Variants in HSPA9 observed in about 807,000 individuals in gnomAD.
HSPA9 encodes stress-70 protein, mitochondrial.
In HSPA9, 28 loss-of-function variants were observed where a neutral mutation model predicts 81.5. That is an observed-to-expected ratio of 0.34 (90% CI 0.25 to 0.47). The LOEUF (loss-of-function observed/expected upper bound fraction) is 0.47. Ranked by LOEUF, HSPA9 falls within the 20% of genes least tolerant of loss-of-function variation. The pLI, the probability that HSPA9 is intolerant of heterozygous loss-of-function variation, is 1.00. For missense variants in HSPA9, 678 were observed against 838.0 expected (o/e 0.81, Z 2.36); for synonymous variants, 293 against 290.4 (o/e 1.01, Z -0.09).
chr5:138,560,797 CT>C, intron 10 of HSPA9: 1 of 389,580 alleles, frequency 2.6e-6, no homozygotes, highest in Non-Finnish European at 5.0e-6. Context: ...ATCCGCCCGC[CT>C]TGGCCTCCCA....
chr5:138,557,550 T>C (rs1750554917), intron 13 of HSPA9, 54 bp from the exon 14 acceptor site: 1 of 1,040,264 alleles, frequency 9.6e-7, no homozygotes, highest in Non-Finnish European at 1.5e-6. Flanking sequence ...ATATGCCTCT[T>C]CTTCCTCCAT....
intron 3 of HSPA9, among the ~76,000 whole-genome samples, 198 bp downstream of exon 3, chr5:138,573,565 T>A (rs1417001095): frequency 7.2e-6 from 1 of 139,808 alleles, no homozygotes; most frequent in Non-Finnish European, 1.5e-5. Flanking sequence ...GAGAACTGTT[T>A]GAACCCAGGA....
At chr5:138,566,955 T>G (rs746405128) in intron 8 of HSPA9, 46 bp downstream of exon 8, 1 of 1,586,184 alleles carries the variant, frequency 6.3e-7, no homozygotes, top group African/African-American at 1.3e-5. Context: ...AACAAAGAAT[T>G]TCTCAATATC....
chr5:138,564,165 G>GC (rs1443963125), intron 9 of HSPA9, among the ~76,000 whole-genome samples: 1 of 152,136 alleles, frequency 6.6e-6, no homozygotes, highest in Non-Finnish European at 1.5e-5. Context: ...CTGCAGTGGT[G>GC]CCATCTGGGC....
At chr5:138,572,731 G>T (rs1750934342) in intron 3 of HSPA9, among the ~76,000 whole-genome samples, 1 of 152,046 alleles carries the variant, frequency 6.6e-6, no homozygotes, top group Non-Finnish European at 1.5e-5. Context: ...TTGGCACCAA[G>T]AGATTATTCC....
At chr5:138,567,317 GAA>G in intron 7 of HSPA9, 136 bp downstream of exon 7, 1 of 997,112 alleles carries the variant, frequency 1.0e-6, no homozygotes, top group Non-Finnish European at 1.5e-6. Flanking sequence ...GAAAAGAAAA[GAA>G]TGGTTTTGAA....
intron 3 of HSPA9, among the ~76,000 whole-genome samples, chr5:138,573,070 A>AT (rs1236177042): frequency 6.6e-6 from 1 of 151,914 alleles, no homozygotes; most frequent in East Asian, 1.9e-4. Flanking sequence ...TAATTTTTGT[A>AT]TTTTTAGTAG....
rs765163858 is a variant in HSPA9, at chr5:138,558,584, C to G, written c.1484G>C (p.Gly495Ala). ...AAACTGTCCAAGGAGTTTGTTGTCT[C>G]CAGCCATCTCTCTTTCACCCTGACA... ...KVCQGEREMA[G>A]DNKLLGQFTL... Residue 495 changes from glycine to alanine, a missense_variant, in exon 12 of 17, where the codon GGA becomes GCA. Around this residue, in one of 4 missense-constraint regions of HSPA9, gnomAD observed 484 missense variants for 647.5 expected, o/e 0.75. Coordinates refer to ENST00000297185, the MANE Select transcript of HSPA9 (RefSeq NM_004134.7). The G allele has an allele frequency of 6.2e-7, 1 of 1,613,174 alleles. No individual in the cohort carries two copies. The highest frequency in any genetic ancestry group is 8.5e-7 in the Non-Finnish European group (1 of 1,179,136).
At chr5:138,568,883 T>C (rs201122337) in intron 5 of HSPA9, 42 bp downstream of exon 5, 167 of 1,606,740 alleles carry the variant, frequency 1.0e-4, no homozygotes, top group African/African-American at 6.9e-4. Flanking sequence ...ACAGGAATCA[T>C]TGTTCTTAGA....
At chr5:138,562,377 G>A (rs1432116077) in intron 9 of HSPA9, among the ~76,000 whole-genome samples, 14 of 151,166 alleles carry the variant, frequency 9.3e-5, no homozygotes, top group African/African-American at 3.1e-4. Context: ...GTGAAACCCC[G>A]TCTCTACTAA....
chr5:138,566,654 G>A lies in HSPA9; in HGVS notation c.944C>T (p.Ala315Val). Residue 315 changes from alanine (A) to valine (V), a missense_variant, in exon 9 of 17, where the codon GCT becomes GTT. Physicochemically the swap from Ala to Val is moderately conservative, Grantham distance 64 (BLOSUM62 0). This residue lies in a region of HSPA9 where 484 missense variants were observed against 647.5 expected (regional missense o/e 0.75). Transcript: ENST00000297185. ...CACAGATGAGGAGAGTTCACATTTA[G>A]CCTTTTCAGCAGCTTCCCGTACCCT... ...LQRVREAAEK[A>V]KCELSSSVQT... The A allele has an allele frequency of 6.2e-7, 1 of 1,613,832 alleles. No homozygotes were observed. The highest frequency in any genetic ancestry group is 8.5e-7 in the Non-Finnish European group (1 of 1,179,780).
At chr5:138,572,262 G>C (rs1750921961) in intron 3 of HSPA9, among the ~76,000 whole-genome samples, 1 of 152,022 alleles carries the variant, frequency 6.6e-6, no homozygotes, top group African/African-American at 2.4e-5. Flanking sequence ...AACTGCTTTG[G>C]TTGCTTAAGA....
intron 4 of HSPA9, among the ~76,000 whole-genome samples, chr5:138,569,632 A>G (rs1015050703): frequency 3.5e-5 from 5 of 141,908 alleles, no homozygotes; most frequent in East Asian, 1.9e-4. Context: ...GAAGCCAGTC[A>G]TAGAGGTCCA....
At chr5:138,569,169 A>T in intron 4 of HSPA9, 120 bp from the exon 5 acceptor site, 2 of 891,518 alleles carry the variant, frequency 2.2e-6, no homozygotes, top group Non-Finnish European at 3.7e-6. Context: ...CCAACAAATG[A>T]CAGTTTGTGA....
At chr5:138,565,857 T>G (rs1302234329) in intron 9 of HSPA9, among the ~76,000 whole-genome samples, 2 of 152,180 alleles carry the variant, frequency 1.3e-5, no homozygotes, top group East Asian at 3.9e-4. Flanking sequence ...CACAGTTGTA[T>G]AGACTATGAC....
In HSPA9 at chr5:138,571,033, G is replaced by C. The variant is rs779794121; in HGVS notation, c.337C>G (p.Pro113Ala). 1.9e-6 allele frequency: 3 copies of C among 1,614,136 alleles called. No individual in the cohort carries two copies. Among genetic ancestry groups the C allele is most frequent in the Non-Finnish European group, 2.5e-6 (3 of 1,180,020 alleles). Residue 113 changes from proline (P) to alanine (A), a missense_variant, in exon 4 of 17, where the codon CCA becomes GCA. By Grantham distance (27) the Pro-to-Ala change is conservative. Transcript: ENST00000297185. ...MPAKRQAVTNPNNTFYATKRL... is the reference protein window; with the variant it reads ...MPAKRQAVTNANNTFYATKRL... ...TTGGTAGCATAAAATGTATTGTTTG[G>C]GTTGGTGACAGCCTGTCGCTTGGCC...
chr5:138,575,217 G>C (rs1561863514), intron 1 of HSPA9, 21 bp downstream of exon 1: 1 of 1,571,620 alleles, frequency 6.4e-7, no homozygotes, highest in Admixed American at 1.8e-5. Flanking sequence ...GACCCCATTC[G>C]GGAAGGTCCC....
At chr5:138,573,997 C>G (rs1276464175) in intron 2 of HSPA9, 71 bp downstream of exon 2, 2 of 1,334,730 alleles carry the variant, frequency 1.5e-6, no homozygotes, top group Non-Finnish European at 2.2e-6. Context: ...GAAGAATAAT[C>G]ACAAATGTAG....
rs529735359 is a variant in HSPA9 at position 138,561,982 on chromosome 5, A to T, written c.973-193T>A. ...TGAGACAGAGTCTCATTCTATCGCC[A>T]GGCTGGAGTGCAGTGGCATGATCTT... On this transcript the variant is annotated intron_variant, in intron 9 of 16. Transcript: ENST00000297185. Among the ~76,000 whole-genome samples, 13 of 151,568 alleles carry T rather than the reference A, an allele frequency of 8.6e-5. No individual in the cohort carries two copies. The East Asian group carries it at 2.6e-3, about 30-fold the overall frequency.
Sources: gnomAD v4.1 joint callset for allele counts (sites outside exome capture counted in the v4.1 genomes callset) on GRCh38, gnomAD v4.1.1 for gene constraint, gnomAD v4.1.1 regional missense constraint, MANE v1.5 for transcripts, NCBI Gene and HGNC (gene_info 2026-07-23, HGNC 2026-07-21) for gene names.